EVC2: variants seen among roughly 807,000 people sequenced by gnomAD.
EVC2 encodes the protein limbin.
A neutral mutation model predicts 149.3 loss-of-function variants in EVC2; 148 were observed. The ratio of observed to expected loss-of-function variants is 0.99; its 90% CI spans 0.87 to 1.14. The LOEUF is 1.14. Among genes scored for constraint, EVC2 ranks in the 50% most tolerant of loss-of-function variants. The pLI is 0.00. For missense variants in EVC2, 1,854 were observed against 1,627.3 expected (o/e 1.14, Z -2.40); for synonymous variants, 776 against 649.9 (o/e 1.19, Z -2.95).
At chr4:5,547,824 G>A (rs1340627516) in intron 21 of EVC2, among the ~76,000 whole-genome samples, 4 of 152,200 alleles carry the variant, frequency 2.6e-5, no homozygotes, top group Non-Finnish European at 5.9e-5. Flanking sequence ...CCATGTTGTG[G>A]TTGAAGAGAA....
At chr4:5,673,495 T>C (rs1033766602) in intron 7 of EVC2, among the ~76,000 whole-genome samples, 9 of 152,164 alleles carry the variant, frequency 5.9e-5, no homozygotes, top group Non-Finnish European at 1.2e-4. Flanking sequence ...TAAGTACAGA[T>C]TCCAAAGAGC....
chr4:5,706,425 GATACATAGATAGATAGATAGATAC>G lies in EVC2; in HGVS notation c.228+1837_228+1860del, dbSNP rs1397921358. 1.4e-4 allele frequency among the ~76,000 whole-genome samples: 12 copies of G among 84,112 alleles called. 1 individual carries two copies. In the East Asian group the frequency reaches 2.8e-3, roughly 19 times the overall value. The allele number at this position is 84,112 out of a possible 152,430, so 55.2% of individuals were successfully genotyped here. ...AGATAGATAGATACATAGATAGATA[GATACATAGATAGATAGATAGATAC>G]ATACATACATACATACATACATACA... On this transcript the variant is annotated intron_variant, in intron 1 of 21. Transcript: ENST00000344408.
chr4:5,674,402 A>C (rs1296755564), intron 7 of EVC2, among the ~76,000 whole-genome samples: 1 of 152,202 alleles, frequency 6.6e-6, no homozygotes, highest in Admixed American at 6.5e-5. Context: ...TTAAAATGAG[A>C]AAGTGGGACT....
exon 22 of EVC2, chr4:5,543,207 C>T (rs746011728): frequency 3.1e-6 from 4 of 1,289,662 alleles, no homozygotes; most frequent in Non-Finnish European, 4.0e-6. Flanking sequence ...CTCTTGGTTC[C>T]CTGACCTGGA....
intron 9 of EVC2, among the ~76,000 whole-genome samples, chr4:5,647,357 A>C (rs1357389452): frequency 6.6e-6 from 1 of 152,136 alleles, no homozygotes; most frequent in Non-Finnish European, 1.5e-5. Context: ...GTAGGTTTTG[A>C]TCAACTGCGG....
intron 19 of EVC2, among the ~76,000 whole-genome samples, chr4:5,574,463 G>T (rs909857086): frequency 1.3e-5 from 2 of 152,172 alleles, no homozygotes; most frequent in South Asian, 4.1e-4. Context: ...AAAAGACATC[G>T]ACTGGGGCAC....
chr4:5,701,741 G>A (rs1721841609), intron 1 of EVC2, among the ~76,000 whole-genome samples: 1 of 152,192 alleles, frequency 6.6e-6, no homozygotes. Context: ...CAACAGCAGT[G>A]ATTTCCAACC....
intron 14 of EVC2, among the ~76,000 whole-genome samples, chr4:5,619,940 G>A (rs73198142): frequency 0.024 from 3,591 of 152,306 alleles, 107 homozygotes; most frequent in African/African-American, 0.07. Context: ...AAAATTCAGA[G>A]TTATCAGCAG....
In EVC2 at chr4:5,618,391, A is replaced by G. The variant is rs1319897340; in HGVS notation, c.2706+87T>C. On this transcript the variant is annotated intron_variant, in intron 15 of 21. Transcript: ENST00000344408. The surrounding 1 kb of genome is among the most constrained non-coding windows in gnomAD (Gnocchi z 4.4). ...GGGGAGCATGAGGTGAGATGGGCTC[A>G]GGCTGGGGAAGAGGCCAGACCCTGT... 2.0e-6 allele frequency: 3 copies of G among 1,483,588 alleles called. No homozygotes were observed. Among genetic ancestry groups the G allele is most frequent in the Non-Finnish European group, 2.8e-6 (3 of 1,068,408 alleles). 91.9% of individuals were successfully genotyped at this position (1,483,588 alleles called of 1,614,324 possible). A position where few individuals can be genotyped will look rare whatever the true frequency, so the allele number is the denominator to read the frequency against.
intron 16 of EVC2, among the ~76,000 whole-genome samples, chr4:5,597,264 A>T (rs1713522820): frequency 6.6e-6 from 1 of 152,206 alleles, no homozygotes. Flanking sequence ...GACACAACCA[A>T]AAAAGAGAAT....
In EVC2 at chr4:5,615,730, G is replaced by A. The variant is rs75453203; in HGVS notation, c.2707-186C>T. 3.8e-4 allele frequency among the ~76,000 whole-genome samples: 58 copies of A among 152,320 alleles called. 1 individual carries two copies. In the East Asian group the frequency reaches 9.9e-3, roughly 26 times the overall value. On this transcript the variant is annotated intron_variant, in intron 15 of 21. Transcript: ENST00000344408. ...GAAGGAGCTCAGTTTCAGAGCCTTT[G>A]ATCTTCACACAATCTGGTGGGCTCC... is the stretch of plus-strand genomic sequence containing the variant.
In EVC2 at chr4:5,567,664, C is replaced by T. The variant is rs1722372483; in HGVS notation, c.3557+780G>A. ...AAAAAGCCTTTAATGACCAAATTCA[C>T]ACCTGGGGCCCCATCCTAAAGGAGA... On this transcript the variant is annotated intron_variant, in intron 20 of 21. Coordinates refer to ENST00000344408, the MANE Select transcript of EVC2 (RefSeq NM_147127.5). The surrounding 1 kb of genome is among the most constrained non-coding windows in gnomAD (Gnocchi z 4.4). 6.6e-6 allele frequency among the ~76,000 whole-genome samples: 1 copy of T among 152,020 alleles called. No individual in the cohort carries two copies. Among genetic ancestry groups the T allele is most frequent in the East Asian group, 1.9e-4 (1 of 5,170 alleles).
chr4:5,590,862 A>AC (rs1247813806), intron 16 of EVC2, among the ~76,000 whole-genome samples: 1 of 152,220 alleles, frequency 6.6e-6, no homozygotes, highest in South Asian at 2.1e-4. Context: ...CAGGAAACTT[A>AC]TAGTCATGGC....
chr4:5,655,391 G>T (rs1050268509), intron 9 of EVC2, among the ~76,000 whole-genome samples: 2 of 152,162 alleles, frequency 1.3e-5, no homozygotes, highest in African/African-American at 4.8e-5. Flanking sequence ...GGGCTGGAGT[G>T]AGGAGGGATT....
chr4:5,564,320 C>A (rs1722135707), intron 21 of EVC2, among the ~76,000 whole-genome samples: 1 of 152,180 alleles, frequency 6.6e-6, no homozygotes, highest in Non-Finnish European at 1.5e-5. Flanking sequence ...TTAGTGCAGC[C>A]TAGGAATGTT....
chr4:5,659,768 G>A (rs533538869), intron 9 of EVC2, among the ~76,000 whole-genome samples: 133 of 152,178 alleles, frequency 8.7e-4, no homozygotes, highest in East Asian at 5.0e-3. Context: ...AGAAAGACTC[G>A]GCTTCTTATG....
intron 16 of EVC2, among the ~76,000 whole-genome samples, chr4:5,587,052 G>A (rs1366413439): frequency 6.6e-5 from 10 of 152,076 alleles, no homozygotes; most frequent in African/African-American, 1.2e-4. Context: ...TTGTACATAC[G>A]TTAAAAACGT....
At chr4:5,634,999 T>C (rs1337588273) in intron 10 of EVC2, among the ~76,000 whole-genome samples, 1 of 151,624 alleles carries the variant, frequency 6.6e-6, no homozygotes, top group Non-Finnish European at 1.5e-5. Flanking sequence ...TAAATAAAAG[T>C]TTATATTTTA....
chr4:5,554,549 T>C (rs1721797617), intron 21 of EVC2, among the ~76,000 whole-genome samples: 2 of 152,266 alleles, frequency 1.3e-5, no homozygotes, highest in South Asian at 4.1e-4. Context: ...GCAAGCATTG[T>C]GTAAGTCTGA....
Sources: allele counts gnomAD v4.1 joint callset (sites outside exome capture counted in the v4.1 genomes callset), GRCh38; gene constraint gnomAD v4.1.1; non-coding constraint Gnocchi (gnomAD v3.1); transcripts MANE v1.5; gene names NCBI Gene and HGNC (gene_info 2026-07-23, HGNC 2026-07-21).